LRRK1: variants seen among roughly 807,000 people sequenced by gnomAD.
The protein encoded by LRRK1 is leucine rich repeat kinase 1.
Under a neutral mutation model 209.1 loss-of-function variants are expected in LRRK1, and 113 were observed. The observed-to-expected ratio is 0.54, with a 90% CI of 0.46 to 0.63. The LOEUF (loss-of-function observed/expected upper bound fraction) is 0.63, where lower values mean the gene tolerates loss of function less well. Among genes scored for constraint, LRRK1 ranks in the 30% least tolerant of loss-of-function variants. LRRK1 has a pLI of 0.00. For synonymous variants in LRRK1, 1,144 were observed against 1,099.7 expected (o/e 1.04, Z -0.80); for missense variants, 2,284 against 2,632.2 (o/e 0.87, Z 2.89).
intron 2 of LRRK1, among the ~76,000 whole-genome samples, chr15:100,937,384 A>G (rs1339657322): frequency 1.3e-5 from 2 of 152,018 alleles, no homozygotes; most frequent in Non-Finnish European, 1.5e-5. Flanking sequence ...CCCCTTTTTT[A>G]TTGGCCTCAG....
intron 13 of LRRK1, 88 bp downstream of exon 13, chr15:101,021,270 C>T: frequency 1.4e-6 from 2 of 1,447,758 alleles, no homozygotes; most frequent in Non-Finnish European, 1.9e-6. Flanking sequence ...ACACAGAAAG[C>T]CAGGCAGAAA....
In LRRK1 at chr15:101,071,223, A is replaced by C. The variant is rs2036792228; in HGVS notation, c.*2375A>C. 1.3e-5 allele frequency: 2 copies of C among 152,388 alleles called. No homozygotes were observed. The highest frequency in any genetic ancestry group is 2.1e-4 in the South Asian group (1 of 4,832). 9.4% of individuals were successfully genotyped at this position (152,388 alleles called of 1,614,324 possible). On this transcript the variant is annotated 3_prime_UTR_variant, in exon 34 of 34. Coordinates refer to ENST00000388948, the MANE Select transcript of LRRK1 (RefSeq NM_024652.6). ...TGAGGGGGTGGGGGGCACCCTGAGG[A>C]CCCTGTCAACATCAGCTGGACCACA... is the stretch of plus-strand genomic sequence containing the variant.
chr15:100,946,115 A>G (rs2042535423), intron 2 of LRRK1, among the ~76,000 whole-genome samples: 5 of 152,260 alleles, frequency 3.3e-5, no homozygotes. Context: ...AAGAAAAATA[A>G]CATATCATCT....
At chr15:100,968,691 T>TTTCC (rs60466078) in intron 2 of LRRK1, among the ~76,000 whole-genome samples, 1 of 134,678 alleles carries the variant, frequency 7.4e-6, no homozygotes, top group African/African-American at 2.9e-5. Context: ...TCTTTCTTTC[T>TTTCC]TTCCTTCCTT....
rs1378137531 is a variant in LRRK1 at position 101,058,110 on chromosome 15, G to A, written c.4648G>A (p.Val1550Met). 21 of 1,614,036 alleles carry A rather than the reference G, an allele frequency of 1.3e-5. No homozygotes were observed. The highest frequency in any genetic ancestry group is 6.6e-5 in the South Asian group (6 of 91,078). Residue 1550 changes from valine to methionine, a missense_variant, in exon 29 of 34, where the codon GTG becomes ATG. Coordinates refer to ENST00000388948, the MANE Select transcript of LRRK1 (RefSeq NM_024652.6). ...CTCATCCCAGGGCCAGGAGTACACC[G>A]TGGTGTTTTGGGATGGAAAAGAGGA... Reference protein sequence around the residue: ...FFSSQGQEYTVVFWDGKEESR... With the variant: ...FFSSQGQEYTMVFWDGKEESR...
intron 4 of LRRK1, among the ~76,000 whole-genome samples, chr15:100,985,126 C>T (rs2031801194): frequency 8.3e-6 from 1 of 121,192 alleles, no homozygotes; most frequent in Non-Finnish European, 1.8e-5. Flanking sequence ...TGGTTCCAAG[C>T]TAGTGTTCCC....
intron 6 of LRRK1, among the ~76,000 whole-genome samples, chr15:101,008,142 CAAAAAAAAAAAAAAAAAAAAAAA>C (rs796213769): frequency 1.3e-5 from 1 of 74,146 alleles, no homozygotes; most frequent in Non-Finnish European, 2.4e-5. Context: ...GACTCCATCT[CAAAAAAAAAAAAAAAAAAAAAAA>C]AAAAAAAAAA....
intron 2 of LRRK1, among the ~76,000 whole-genome samples, chr15:100,953,533 T>TATATAC (rs1491326765): frequency 5.9e-5 from 8 of 135,844 alleles, no homozygotes; most frequent in African/African-American, 1.8e-4. Flanking sequence ...TATATATATA[T>TATATAC]ACACACATAT....
At chr15:100,990,688 G>A (rs1245406010) in intron 6 of LRRK1, among the ~76,000 whole-genome samples, 1 of 146,376 alleles carries the variant, frequency 6.8e-6, no homozygotes, top group African/African-American at 2.6e-5. Flanking sequence ...TTTTTCTAAA[G>A]GATTGTTTGT....
chr15:101,045,969 G>C lies in LRRK1; in HGVS notation c.2964-12G>C, dbSNP rs1471330738. On this transcript the variant is annotated splice_polypyrimidine_tract_variant and intron_variant, in intron 20 of 33. Coordinates refer to ENST00000388948, the MANE Select transcript of LRRK1 (RefSeq NM_024652.6). ...GCCCCACTGTTCACCAGTCCCCCTT[G>C]GTGTGTTTCAGCTACCTCCTGCCCC... 4 of 1,613,136 alleles carry C rather than the reference G, an allele frequency of 2.5e-6. No individual in the cohort carries two copies. In the African/African-American group the frequency reaches 5.3e-5, roughly 22 times the overall value.
chr15:101,000,262 C>T (rs145108903), intron 6 of LRRK1, among the ~76,000 whole-genome samples: 26 of 152,262 alleles, frequency 1.7e-4, no homozygotes, highest in Middle Eastern at 3.4e-3. Flanking sequence ...CTGTCATTGT[C>T]ATTACCTTTT....
At chr15:101,004,028 G>T (rs1309057400) in intron 6 of LRRK1, among the ~76,000 whole-genome samples, 2 of 152,194 alleles carry the variant, frequency 1.3e-5, no homozygotes, top group Non-Finnish European at 2.9e-5. Flanking sequence ...GGGCCTACTT[G>T]TGAGCCCTGC....
At chr15:101,063,973 C>T (rs1324904287) in intron 31 of LRRK1, among the ~76,000 whole-genome samples, 1 of 152,252 alleles carries the variant, frequency 6.6e-6, no homozygotes, top group Non-Finnish European at 1.5e-5. Flanking sequence ...AGCCAGGGCA[C>T]CACCTCCTGC....
chr15:101,053,336 G>T lies in LRRK1; in HGVS notation c.3970G>T (p.Gly1324Cys). 1 of 1,604,004 alleles carries T rather than the reference G, an allele frequency of 6.2e-7. No homozygotes were observed. Among genetic ancestry groups the T allele is most frequent in the Non-Finnish European group, 8.5e-7 (1 of 1,179,906 alleles). The change falls in exon 26 of 34, where the codon GGC becomes TGC. Residue 1324 changes from glycine to cysteine, a missense_variant. Gly to Cys is a radical substitution (Grantham distance 159, BLOSUM62 -3). Transcript: ENST00000388948. The stretch of plus-strand genomic sequence containing the variant: ...GCACCCCTGCATCGTGGCGCTCATC[G>T]GCATCAGCATCCACCCGCTCTGCTT... The part of the protein sequence containing the change: ...LQHPCIVALI[G>C]ISIHPLCFAL...
chr15:100,973,921 A>T lies in LRRK1; in HGVS notation c.215A>T (p.Asp72Val). Residue 72 changes from aspartate to valine, a missense_variant, in exon 3 of 34, where the codon GAC becomes GTC. By Grantham distance (152) the Asp-to-Val change is radical. Transcript: ENST00000388948. Reference protein sequence around the residue: ...YRRGDRGGARDLLEEACDQCA... With the variant: ...YRRGDRGGARVLLEEACDQCA... ...CGGGGAGACCGCGGCGGCGCCCGGGACCTGCTGGAGGAGGCCTGCGACCAG... is the reference window on the plus strand; with the variant it reads ...CGGGGAGACCGCGGCGGCGCCCGGGTCCTGCTGGAGGAGGCCTGCGACCAG... 7.9e-7 allele frequency: 1 copy of T among 1,264,788 alleles called. No individual in the cohort carries two copies. The highest frequency in any genetic ancestry group is 1.0e-6 in the Non-Finnish European group (1 of 999,608). The allele number at this position is 1,264,788 out of a possible 1,614,324, so 78.3% of individuals were successfully genotyped here.
chr15:100,935,814 GTTC>G, intron 2 of LRRK1, among the ~76,000 whole-genome samples: 1 of 152,288 alleles, frequency 6.6e-6, no homozygotes, highest in East Asian at 1.9e-4. Flanking sequence ...CCAGCTGGTG[GTTC>G]TTCTTGCTTC....
At chr15:100,931,525 G>A (rs116306611) in intron 2 of LRRK1, among the ~76,000 whole-genome samples, 4,712 of 152,300 alleles carry the variant, frequency 0.031, 227 homozygotes, top group African/African-American at 0.11. Context: ...CCTGTTAGCA[G>A]CTTAGTTTGG....
intron 24 of LRRK1, 82 bp downstream of exon 24, chr15:101,052,042 G>C (rs2035485111): frequency 7.2e-6 from 11 of 1,522,588 alleles, no homozygotes; most frequent in Non-Finnish European, 9.8e-6. Context: ...GTGATCTCCA[G>C]GAAGACCCCT....
chr15:100,988,959 T>C, intron 5 of LRRK1, 146 bp downstream of exon 5: 1 of 732,074 alleles, frequency 1.4e-6, no homozygotes, highest in Non-Finnish European at 2.2e-6. Context: ...TGTTTCTTTT[T>C]CAAAATATCT....
Sources: gnomAD v4.1 joint callset for allele counts (sites outside exome capture counted in the v4.1 genomes callset) on GRCh38, gnomAD v4.1.1 for gene constraint, MANE v1.5 for transcripts, NCBI Gene and HGNC (gene_info 2026-07-23, HGNC 2026-07-21) for gene names.